The following ILRUN variants were observed in gnomAD, a reference collection of about 807,000 sequenced individuals.
The protein encoded by ILRUN is protein ILRUN.
ILRUN carries 3 observed loss-of-function variants against 33.8 expected under a neutral mutation model. The observed-to-expected ratio is 0.09, with a 90% CI of 0.04 to 0.23. The LOEUF is 0.23. Ranked by LOEUF, ILRUN falls within the 10% of genes least tolerant of loss-of-function variation. The probability of loss-of-function intolerance (pLI) is 1.00; values close to 1 mark genes in which losing one functional copy is unlikely to be tolerated. For synonymous variants in ILRUN, 124 were observed against 138.9 expected, an observed-to-expected ratio of 0.89 and a Z score of 0.75; for missense variants, 210 against 375.1, an observed-to-expected ratio of 0.56 and a Z score of 3.64.
At chr6:34,677,064 T>C (rs1020802003) in intron 1 of ILRUN, among the ~76,000 whole-genome samples, 1 of 151,420 alleles carries the variant, frequency 6.6e-6, no homozygotes, top group Non-Finnish European at 1.5e-5. Flanking sequence ...CCTAGCACTT[T>C]GGGAGGCCAA....
chr6:34,667,215 T>C (rs1763024260), intron 1 of ILRUN, among the ~76,000 whole-genome samples: 2 of 152,218 alleles, frequency 1.3e-5, no homozygotes, highest in South Asian at 2.1e-4. Context: ...AAGGTGTTTA[T>C]GTAGTTCAAG....
chr6:34,693,372 CCAGA>C (rs774346000), intron 1 of ILRUN, among the ~76,000 whole-genome samples: 1 of 151,620 alleles, frequency 6.6e-6, no homozygotes, highest in Non-Finnish European at 1.5e-5. Context: ...ATTTTTTTTT[CCAGA>C]CAGAGTCTTA....
At position 34,590,447 on chromosome 6, in the gene ILRUN, G is replaced by C. The variant is rs1021075215; in HGVS notation, c.*118C>G. On this transcript the variant is annotated 3_prime_UTR_variant, in exon 5 of 5. Transcript: ENST00000374023. ...TTCTTCCTCTTCTTCCGGGATGAGAGGGGGTCAGAGCCAGGGGTCTGTGCG... is the reference window on the plus strand; with the variant it reads ...TTCTTCCTCTTCTTCCGGGATGAGACGGGGTCAGAGCCAGGGGTCTGTGCG... 2.1e-6 allele frequency: 3 copies of C among 1,439,324 alleles called. No homozygotes were observed. The African/African-American group carries it at 4.2e-5, about 20-fold the overall frequency. The allele number at this position is 1,439,324 out of a possible 1,614,324, so 89.2% of individuals were successfully genotyped here.
At chr6:34,683,483 TATAC>T (rs1172053530) in intron 1 of ILRUN, among the ~76,000 whole-genome samples, 9 of 106,510 alleles carry the variant, frequency 8.4e-5, no homozygotes, top group South Asian at 7.6e-4. Flanking sequence ...CACATATATA[TATAC>T]ATATATATAT....
In ILRUN at chr6:34,592,198, C is replaced by T. The variant is rs923477092; in HGVS notation, c.862-1598G>A. ...GGAGATGATTTGGGGAATGGACAGG[C>T]CAATACCAATGGGGCATCCACTACG... On this transcript the variant is annotated intron_variant, in intron 4 of 4. Coordinates refer to ENST00000374023, the MANE Select transcript of ILRUN (RefSeq NM_024294.4). The surrounding 1 kb of genome is among the most constrained non-coding windows in gnomAD (Gnocchi z 4.0). Among the ~76,000 whole-genome samples the T allele has an allele frequency of 6.6e-6, 1 of 152,218 alleles. No homozygotes were observed. Among genetic ancestry groups the T allele is most frequent in the Non-Finnish European group, 1.5e-5 (1 of 68,044 alleles).
Position 34,593,763 on chromosome 6 carries a change from C to T in ILRUN, c.862-3163G>A, listed in dbSNP as rs560814497. Among the ~76,000 whole-genome samples the T allele has an allele frequency of 3.3e-5, 5 of 152,242 alleles. No individual in the cohort carries two copies. The East Asian group carries it at 9.6e-4, about 29-fold the overall frequency. On this transcript the variant is annotated intron_variant, in intron 4 of 4. Transcript: ENST00000374023. ...ATCACTTCAAGGAAGAGAGAGGGCACCAACTCTATTTGGAAGCTATTTTAC... is the reference window on the plus strand; with the variant it reads ...ATCACTTCAAGGAAGAGAGAGGGCATCAACTCTATTTGGAAGCTATTTTAC...
At chr6:34,603,546 A>T (rs1242160818) in intron 4 of ILRUN, among the ~76,000 whole-genome samples, 1 of 151,920 alleles carries the variant, frequency 6.6e-6, no homozygotes, top group Non-Finnish European at 1.5e-5. Context: ...GAGATAGAGG[A>T]TTGCTTGAGC....
At chr6:34,629,934 C>A (rs914367586) in intron 3 of ILRUN, among the ~76,000 whole-genome samples, 2 of 152,158 alleles carry the variant, frequency 1.3e-5, no homozygotes, top group African/African-American at 4.8e-5. Flanking sequence ...ATGTTCTTCC[C>A]TATATATACA....
chr6:34,660,197 G>A (rs1401581004), intron 1 of ILRUN, among the ~76,000 whole-genome samples: 3 of 151,836 alleles, frequency 2.0e-5, no homozygotes, highest in Non-Finnish European at 4.4e-5. Flanking sequence ...CAGCCACTCA[G>A]GGGGCTGAAG....
chr6:34,682,226 G>A (rs1237389141), intron 1 of ILRUN, among the ~76,000 whole-genome samples: 1 of 144,278 alleles, frequency 6.9e-6, no homozygotes. Context: ...GTGCAATGGG[G>A]CAATCTCAGC....
chr6:34,669,330 T>A (rs1277140376), intron 1 of ILRUN, among the ~76,000 whole-genome samples: 16 of 151,144 alleles, frequency 1.1e-4, no homozygotes, highest in Admixed American at 3.3e-4. Flanking sequence ...GGTCTCACTT[T>A]ATTGCCCAGG....
intron 3 of ILRUN, among the ~76,000 whole-genome samples, chr6:34,612,538 A>G (rs1263233434): frequency 6.6e-6 from 1 of 152,240 alleles, no homozygotes; most frequent in Non-Finnish European, 1.5e-5. Flanking sequence ...TATAGTATAA[A>G]CTTCCTTTTG....
At chr6:34,632,313 C>A (rs1340860118) in intron 3 of ILRUN, among the ~76,000 whole-genome samples, 1 of 151,928 alleles carries the variant, frequency 6.6e-6, no homozygotes. Flanking sequence ...TGGTGGCACA[C>A]GCCTATAGTC....
In ILRUN at chr6:34,606,650, G is replaced by T; in HGVS notation, c.766C>A (p.Gln256Lys). 6.2e-7 allele frequency: 1 copy of T among 1,614,124 alleles called. No homozygotes were observed. The highest frequency in any genetic ancestry group is 8.5e-7 in the Non-Finnish European group (1 of 1,180,028). ...AGTCTATTCTGGTCTTGCTCAGTTT[G>T]GTCAGGAGCAGGAGCCCATGTGTCA... ...APDTWAPAPD[Q>K]TEQDQNRLSQ... Residue 256 changes from glutamine to lysine, a missense_variant, in exon 4 of 5, where the codon CAA becomes AAA. Transcript: ENST00000374023.
rs200238270 is a variant in ILRUN at position 34,674,979 on chromosome 6, C to CA, written c.159-20201dup. ...ACTGGACATGCGCACCAATGCAACT[C>CA]AAAAAAAAGTGCAAAAACAGGCCGA... On this transcript the variant is annotated intron_variant, in intron 1 of 4. Coordinates refer to ENST00000374023, the MANE Select transcript of ILRUN (RefSeq NM_024294.4). 1.5e-3 allele frequency among the ~76,000 whole-genome samples: 233 copies of CA among 151,792 alleles called. 3 individuals are homozygous for CA. The highest frequency in any genetic ancestry group is 2.4e-3 in the Admixed American group (37 of 15,246).
intron 3 of ILRUN, among the ~76,000 whole-genome samples, chr6:34,624,373 G>C (rs1163142762): frequency 2.6e-5 from 4 of 151,764 alleles, no homozygotes; most frequent in Non-Finnish European, 5.9e-5. Flanking sequence ...GCCCAGGCTG[G>C]AGCACAATAG....
intron 3 of ILRUN, among the ~76,000 whole-genome samples, chr6:34,626,303 C>T (rs1374424099): frequency 6.6e-6 from 1 of 152,156 alleles, no homozygotes; most frequent in Admixed American, 6.5e-5. Flanking sequence ...CGCAAAGTAG[C>T]TAGGACTACA....
At chr6:34,683,515 C>CATATATATAT (rs1554189889) in intron 1 of ILRUN, among the ~76,000 whole-genome samples, 2 of 76,312 alleles carry the variant, frequency 2.6e-5, no homozygotes, top group African/African-American at 1.5e-4. Context: ...TATATATATA[C>CATATATATAT]ATATATATAT....
intron 4 of ILRUN, among the ~76,000 whole-genome samples, chr6:34,594,749 T>A (rs554088318): frequency 6.6e-6 from 1 of 152,244 alleles, no homozygotes; most frequent in Non-Finnish European, 1.5e-5. Flanking sequence ...CTCACCAGTG[T>A]TGGGGAAGAG....
Sources: allele counts gnomAD v4.1 joint callset (sites outside exome capture counted in the v4.1 genomes callset), GRCh38; gene constraint gnomAD v4.1.1; non-coding constraint Gnocchi (gnomAD v3.1); transcripts MANE v1.5; gene names NCBI Gene and HGNC (gene_info 2026-07-23, HGNC 2026-07-21).